The following MGMT variants were observed in gnomAD, a reference collection of about 807,000 sequenced individuals.
MGMT encodes O-6-methylguanine-DNA methyltransferase, also known as methylated-DNA--protein-cysteine methyltransferase.
In MGMT, 14 loss-of-function variants were observed where a neutral mutation model predicts 15.9. That is an observed-to-expected ratio of 0.88 (90% CI 0.58 to 1.37). The LOEUF (loss-of-function observed/expected upper bound fraction) is 1.37, where lower values mean the gene tolerates loss of function less well. Among genes scored for constraint, MGMT ranks in the 40% most tolerant of loss-of-function variants. The pLI is 0.00. For synonymous variants in MGMT, 130 were observed against 118.2 expected, an observed-to-expected ratio of 1.10 and a Z score of -0.65; for missense variants, 282 against 268.1, an observed-to-expected ratio of 1.05 and a Z score of -0.36.
intron 2 of MGMT, among the ~76,000 whole-genome samples, chr10:129,611,561 T>TA (rs1846960920): frequency 6.6e-6 from 1 of 152,214 alleles, no homozygotes. Context: ...ATTCCCAGGA[T>TA]ACACTCTGTA....
intron 1 of MGMT, among the ~76,000 whole-genome samples, chr10:129,479,729 C>T (rs1003856277): frequency 1.2e-4 from 17 of 138,530 alleles, no homozygotes; most frequent in African/African-American, 3.2e-4. Flanking sequence ...TCCGTTCTCA[C>T]GTTTGTAGAA....
chr10:129,627,722 C>T (rs1847166596), intron 2 of MGMT, among the ~76,000 whole-genome samples: 1 of 152,200 alleles, frequency 6.6e-6, no homozygotes, highest in Non-Finnish European at 1.5e-5. Context: ...ATATCTGCCA[C>T]GTTTCCACTG....
chr10:129,713,527 G>C (rs1451682281), intron 3 of MGMT, among the ~76,000 whole-genome samples: 2 of 152,250 alleles, frequency 1.3e-5, no homozygotes, highest in East Asian at 1.9e-4. Context: ...AGGATTGTCC[G>C]ATGTCTGGAA....
chr10:129,723,896 G>A (rs1054076203), intron 3 of MGMT, among the ~76,000 whole-genome samples: 5 of 152,168 alleles, frequency 3.3e-5, no homozygotes, highest in Non-Finnish European at 7.3e-5. Flanking sequence ...AGAGACTGCC[G>A]CAGCCTCGCC....
chr10:129,484,064 A>AAGGTC (rs1845385038), intron 1 of MGMT, among the ~76,000 whole-genome samples: 1 of 152,176 alleles, frequency 6.6e-6, no homozygotes, highest in African/African-American at 2.4e-5. Context: ...CCTGTCATAC[A>AAGGTC]AGGTCAGGTG....
chr10:129,746,218 G>T (rs1172358209), intron 3 of MGMT, among the ~76,000 whole-genome samples: 1 of 140,934 alleles, frequency 7.1e-6, no homozygotes, highest in Non-Finnish European at 1.5e-5. Flanking sequence ...CAGCCTAGGG[G>T]ACAGAGCGAG....
intron 2 of MGMT, among the ~76,000 whole-genome samples, chr10:129,706,064 C>T (rs1848157005): frequency 6.6e-6 from 1 of 152,244 alleles, no homozygotes; most frequent in Admixed American, 6.5e-5. Flanking sequence ...GCGGTGCCTT[C>T]TGCCTCTTGC....
At chr10:129,717,531 A>C (rs1848313568) in intron 3 of MGMT, 1 of 152,212 alleles carries the variant, frequency 6.6e-6, no homozygotes, top group Non-Finnish European at 1.5e-5. Flanking sequence ...TTGTCCTCTG[A>C]TTATAAGATG....
intron 4 of MGMT, among the ~76,000 whole-genome samples, chr10:129,764,212 C>A (rs935613573): frequency 2.0e-5 from 3 of 152,246 alleles, no homozygotes; most frequent in Admixed American, 6.5e-5. Flanking sequence ...CGGCCGGAGG[C>A]TGAGACAGGC....
intron 1 of MGMT, among the ~76,000 whole-genome samples, chr10:129,477,369 G>A (rs1845307529): frequency 6.6e-6 from 1 of 152,172 alleles, no homozygotes; most frequent in South Asian, 2.1e-4. Context: ...CTACTGGATG[G>A]AAGGCCCAGC....
intron 2 of MGMT, among the ~76,000 whole-genome samples, chr10:129,650,997 G>T (rs1589915642): frequency 6.6e-6 from 1 of 152,210 alleles, no homozygotes; most frequent in Admixed American, 6.5e-5. Flanking sequence ...GACAGAGTGT[G>T]CAAGGGGCTG....
At chr10:129,656,879 A>G (rs1847530085) in intron 2 of MGMT, among the ~76,000 whole-genome samples, 1 of 152,084 alleles carries the variant, frequency 6.6e-6, no homozygotes. Context: ...GGGGGCCCCA[A>G]GGTTCTCCTT....
chr10:129,738,278 C>G (rs957278121), intron 3 of MGMT, among the ~76,000 whole-genome samples: 5 of 152,182 alleles, frequency 3.3e-5, no homozygotes, highest in South Asian at 2.1e-4. Flanking sequence ...TTAAGCCCGT[C>G]GGAAAAGGGC....
intron 2 of MGMT, among the ~76,000 whole-genome samples, chr10:129,639,436 A>G (rs1847302176): frequency 6.6e-6 from 1 of 152,232 alleles, no homozygotes; most frequent in African/African-American, 2.4e-5. Context: ...AGATTTCACC[A>G]TTTCTTACTG....
At chr10:129,531,752 G>A (rs1845934297) in intron 1 of MGMT, among the ~76,000 whole-genome samples, 1 of 148,506 alleles carries the variant, frequency 6.7e-6, no homozygotes, top group Non-Finnish European at 1.5e-5. Flanking sequence ...GGGCCTTTGT[G>A]GGAGGCTTGC....
intron 2 of MGMT, among the ~76,000 whole-genome samples, chr10:129,658,176 C>A (rs79858702): frequency 6.6e-6 from 1 of 152,220 alleles, no homozygotes; most frequent in East Asian, 1.9e-4. Flanking sequence ...AAATGGAAGA[C>A]GGGCTTCTGG....
At chr10:129,601,130 A>G (rs905623806) in intron 2 of MGMT, among the ~76,000 whole-genome samples, 11 of 151,888 alleles carry the variant, frequency 7.2e-5, no homozygotes, top group African/African-American at 2.2e-4. Flanking sequence ...GAAAAATTCA[A>G]CGCATTGGGA....
chr10:129,549,338 A>G (rs1291791060), intron 2 of MGMT, among the ~76,000 whole-genome samples: 1 of 152,220 alleles, frequency 6.6e-6, no homozygotes, highest in Non-Finnish European at 1.5e-5. Flanking sequence ...TATTGCCTGC[A>G]GATCCGTGTG....
chr10:129,611,537 C>A (rs1180719140), intron 2 of MGMT, among the ~76,000 whole-genome samples: 1 of 152,212 alleles, frequency 6.6e-6, no homozygotes, highest in Non-Finnish European at 1.5e-5. Flanking sequence ...CAGAGCCAAA[C>A]CATATCAGGG....
Sources: gnomAD v4.1 joint callset for allele counts (sites outside exome capture counted in the v4.1 genomes callset) on GRCh38, gnomAD v4.1.1 for gene constraint, MANE v1.5 for transcripts, NCBI Gene and HGNC (gene_info 2026-07-23, HGNC 2026-07-21) for gene names.